The following RBFOX1 variants were observed in gnomAD, a reference collection of about 807,000 sequenced individuals.
RBFOX1 encodes the protein RNA binding fox-1 homolog 1.
In RBFOX1, 8 loss-of-function variants were observed where a neutral mutation model predicts 57.7. That is an observed-to-expected ratio of 0.14 (90% CI 0.08 to 0.25). The LOEUF is 0.25. Among genes scored for constraint, RBFOX1 ranks in the 10% least tolerant of loss-of-function variants. RBFOX1 has a pLI of 1.00. For synonymous variants in RBFOX1, 326 were observed against 222.4 expected, an observed-to-expected ratio of 1.47 and a Z score of -4.15; for missense variants, 611 against 548.5, an observed-to-expected ratio of 1.11 and a Z score of -1.14.
intron 3 of RBFOX1, among the ~76,000 whole-genome samples, chr16:6,852,982 C>T (rs2094150809): frequency 6.6e-6 from 1 of 152,172 alleles, no homozygotes; most frequent in Non-Finnish European, 1.5e-5. Flanking sequence ...GTGAGCCCAG[C>T]ACCCTATGGA....
Position 7,255,651 on chromosome 16 carries a change from A to G in RBFOX1, c.27+203553A>G, listed in dbSNP as rs572489231. ...GCACTGTTCAGTAGAAATATAATGC[A>G]AGTCACATATGCAAAGTAATTTTTT... On this transcript the variant is annotated intron_variant, in intron 4 of 15. Coordinates refer to ENST00000550418, the MANE Select transcript of RBFOX1 (RefSeq NM_018723.4). 3.3e-5 allele frequency among the ~76,000 whole-genome samples: 5 copies of G among 152,346 alleles called. No individual in the cohort carries two copies. The East Asian group carries it at 9.6e-4, about 29-fold the overall frequency.
At chr16:5,564,411 C>G (rs189525438) in intron 2 of RBFOX1, among the ~76,000 whole-genome samples, 2 of 152,192 alleles carry the variant, frequency 1.3e-5, no homozygotes, top group African/African-American at 4.8e-5. Flanking sequence ...TCTCCTCCCA[C>G]TGAATTTGTC....
chr16:6,785,413 T>C (rs6500834), intron 3 of RBFOX1, among the ~76,000 whole-genome samples: 99,260 of 151,946 alleles, frequency 0.65, 32,678 homozygotes, highest in African/African-American at 0.7. Flanking sequence ...GTCACTGTTT[T>C]TAGGCTGGGC....
intron 4 of RBFOX1, among the ~76,000 whole-genome samples, chr16:7,362,605 GTA>G (rs1470311805): frequency 6.6e-6 from 1 of 151,822 alleles, no homozygotes; most frequent in Admixed American, 6.6e-5. Flanking sequence ...ATGTTCTTGT[GTA>G]TATGTTTTGC....
intron 2 of RBFOX1, among the ~76,000 whole-genome samples, chr16:6,621,765 A>G (rs1210511081): frequency 3.3e-5 from 5 of 152,208 alleles, no homozygotes; most frequent in Non-Finnish European, 7.3e-5. Context: ...TAGGCTAATC[A>G]CTGCAGCTAG....
At chr16:6,273,597 C>T (rs1277598298) in intron 1 of RBFOX1, among the ~76,000 whole-genome samples, 1 of 151,952 alleles carries the variant, frequency 6.6e-6, no homozygotes, top group Non-Finnish European at 1.5e-5. Context: ...CCGCCCGCCT[C>T]GGCCCCCCAA....
intron 3 of RBFOX1, among the ~76,000 whole-genome samples, chr16:6,831,891 C>G (rs1465694301): frequency 6.6e-6 from 1 of 152,138 alleles, no homozygotes. Context: ...GTAGGAAAAG[C>G]AATGTCTTAC....
chr16:7,123,471 C>T (rs913924666), intron 4 of RBFOX1, among the ~76,000 whole-genome samples: 5 of 152,082 alleles, frequency 3.3e-5, no homozygotes, highest in African/African-American at 9.7e-5. Flanking sequence ...CTCAGGTGAT[C>T]CTCCTGCCTT....
At chr16:7,172,063 TTAG>T (rs2080808086) in intron 4 of RBFOX1, among the ~76,000 whole-genome samples, 1 of 109,024 alleles carries the variant, frequency 9.2e-6, no homozygotes, top group Non-Finnish European at 1.7e-5. Flanking sequence ...ATTGGGCAAT[TTAG>T]AAAAAAATAT....
At chr16:6,922,444 C>A (rs986981567) in intron 3 of RBFOX1, among the ~76,000 whole-genome samples, 1 of 152,286 alleles carries the variant, frequency 6.6e-6, no homozygotes, top group East Asian at 1.9e-4. Context: ...TCCAGGCTGT[C>A]TTGCCTCTTC....
chr16:7,286,286 C>T (rs1243477427), intron 4 of RBFOX1, among the ~76,000 whole-genome samples: 2 of 152,108 alleles, frequency 1.3e-5, no homozygotes, highest in Non-Finnish European at 2.9e-5. Context: ...GAGGAAATTT[C>T]ATATCCTTCC....
At position 6,719,448 on chromosome 16, in the gene RBFOX1, T is replaced by C. The variant is rs1026157533; in HGVS notation, c.-16+64798T>C. 4.1e-5 allele frequency among the ~76,000 whole-genome samples: 5 copies of C among 121,900 alleles called. No homozygotes were observed. The East Asian group carries it at 1.9e-3, about 45-fold the overall frequency. The allele number at this position is 121,900 out of a possible 152,430, so 80.0% of individuals were successfully genotyped here. On this transcript the variant is annotated intron_variant, in intron 3 of 15. Transcript: ENST00000550418. ...TTCCTCATCTTCAAAATAACCTGTTTTTTTTTTTTTGAGACAGAGTCTTGC... is the reference window on the plus strand; with the variant it reads ...TTCCTCATCTTCAAAATAACCTGTTCTTTTTTTTTTGAGACAGAGTCTTGC...
At chr16:7,378,030 C>G (rs972310431) in intron 4 of RBFOX1, among the ~76,000 whole-genome samples, 1 of 152,174 alleles carries the variant, frequency 6.6e-6, no homozygotes. Context: ...ATAAGCTTGA[C>G]ATGTCTGAAG....
At chr16:6,879,225 G>A (rs1474996453) in intron 3 of RBFOX1, among the ~76,000 whole-genome samples, 1 of 152,154 alleles carries the variant, frequency 6.6e-6, no homozygotes, top group East Asian at 1.9e-4. Context: ...ATTATTCAAT[G>A]AATTGATTTT....
At chr16:5,989,743 C>G (rs2152317967) in intron 4 of RBFOX1, among the ~76,000 whole-genome samples, 1 of 151,772 alleles carries the variant, frequency 6.6e-6, no homozygotes, top group Non-Finnish European at 1.5e-5. Context: ...GGCTCTGTAG[C>G]TTATCTTGGT....
intron 1 of RBFOX1, among the ~76,000 whole-genome samples, chr16:5,449,262 C>CCCCTGCCCTGCTTT (rs2068348170): frequency 6.6e-6 from 1 of 152,182 alleles, no homozygotes; most frequent in Non-Finnish European, 1.5e-5. Context: ...TGAAATGCTT[C>CCCCTGCCCTGCTTT]CCCTGCCCTG....
intron 4 of RBFOX1, among the ~76,000 whole-genome samples, chr16:5,921,933 C>T (rs796539464): frequency 1.2e-4 from 18 of 151,912 alleles, no homozygotes; most frequent in South Asian, 4.2e-4. Flanking sequence ...GGGAGGATCG[C>T]TTGAGGCTAG....
chr16:5,623,073 C>G (rs915086270), intron 3 of RBFOX1, among the ~76,000 whole-genome samples: 3 of 152,112 alleles, frequency 2.0e-5, no homozygotes, highest in Non-Finnish European at 4.4e-5. Context: ...GTCTTGGAAC[C>G]AACCCCTCAT....
intron 4 of RBFOX1, among the ~76,000 whole-genome samples, chr16:5,883,897 C>G (rs373724346): frequency 2.8e-4 from 43 of 152,242 alleles, no homozygotes; most frequent in East Asian, 2.7e-3. Flanking sequence ...ATATTTCTCC[C>G]TTTAGGGACA....
Sources: allele counts gnomAD v4.1 joint callset (sites outside exome capture counted in the v4.1 genomes callset), GRCh38; gene constraint gnomAD v4.1.1; transcripts MANE v1.5; gene names NCBI Gene and HGNC (gene_info 2026-07-23, HGNC 2026-07-21).